ULBP2: variants seen among roughly 807,000 people sequenced by gnomAD.
ULBP2 encodes the protein UL16-binding protein 2.
A neutral mutation model predicts 23.6 loss-of-function variants in ULBP2; 21 were observed. The observed-to-expected ratio is 0.89, with a 90% CI of 0.63 to 1.28. The LOEUF is 1.28. Ranked by LOEUF, ULBP2 falls within the 50% of genes most tolerant of loss-of-function variation. The probability of loss-of-function intolerance (pLI) is 0.00; values close to 1 mark genes in which losing one functional copy is unlikely to be tolerated. For missense variants in ULBP2, 251 were observed against 306.0 expected (o/e 0.82, Z 1.34); for synonymous variants, 82 against 112.8 (o/e 0.73, Z 1.73).
At chr6:149,942,187 C>T (rs764480856) in intron 1 of ULBP2, 30 bp downstream of exon 1, 1 of 1,606,354 alleles carries the variant, frequency 6.2e-7, no homozygotes, top group Non-Finnish European at 8.5e-7. Context: ...CTAAGCCGGG[C>T]GGGGACCAAG....
Position 149,945,451 on chromosome 6 carries a change from C to G in ULBP2, c.228C>G (p.Pro76=), listed in dbSNP as rs773845292. The change falls in exon 2 of 5, where the codon CCC becomes CCG. Residue 76 remains proline, a synonymous_variant. Coordinates refer to ENST00000367351, the MANE Select transcript of ULBP2 (RefSeq NM_025217.4). ...CGNKTVTPVS[P]LGKKLNVTTA... The stretch of plus-strand genomic sequence containing the variant: ...ACAAGACAGTCACACCTGTCAGTCC[C>G]CTGGGGAAGAAACTAAATGTCACAA... The G allele has an allele frequency of 9.9e-6, 16 of 1,613,996 alleles. No homozygotes were observed. Among genetic ancestry groups the G allele is most frequent in the Non-Finnish European group, 1.4e-5 (16 of 1,179,884 alleles).
intron 4 of ULBP2, 28 bp from the exon 5 acceptor site, chr6:149,948,695 T>G: frequency 2.2e-6 from 1 of 456,732 alleles, no homozygotes; most frequent in South Asian, 1.5e-5. Context: ...CTCTGCCCCT[T>G]AAACCAACAT....
In ULBP2 at chr6:149,949,231, A is replaced by G. The variant is rs1778987324; in HGVS notation, c.*531A>G. 6.6e-6 allele frequency: 1 copy of G among 152,310 alleles called. No homozygotes were observed. Among genetic ancestry groups the G allele is most frequent in the Admixed American group, 6.5e-5 (1 of 15,282 alleles). The allele number at this position is 152,310 out of a possible 1,614,324, so 9.4% of individuals were successfully genotyped here. On this transcript the variant is annotated 3_prime_UTR_variant, in exon 5 of 5. Coordinates refer to ENST00000367351, the MANE Select transcript of ULBP2 (RefSeq NM_025217.4). The stretch of plus-strand genomic sequence containing the variant: ...ATTTAAATAAAGAGTTCTATTTCCC[A>G]AAAACCTACGGTGTTTAGAATTTTG...
chr6:149,947,795 A>G (rs1479974556), intron 4 of ULBP2, among the ~76,000 whole-genome samples: 1 of 151,550 alleles, frequency 6.6e-6, no homozygotes, highest in African/African-American at 2.4e-5. Context: ...GGCAGCAGGA[A>G]TTCAGACATG....
chr6:149,948,110 C>T (rs999789419), intron 4 of ULBP2, among the ~76,000 whole-genome samples: 1 of 152,206 alleles, frequency 6.6e-6, no homozygotes. Flanking sequence ...GGCAGCTCCC[C>T]TGCCATCATC....
At position 149,945,500 on chromosome 6, in the gene ULBP2, GT is replaced by G. The variant is rs1562487097; in HGVS notation, c.278del (p.Val93AspfsTer2). The G allele has an allele frequency of 2.5e-6, 4 of 1,614,052 alleles. No individual in the cohort carries two copies. In the Admixed American group the frequency reaches 5.0e-5, roughly 20 times the overall value. ...VTTAWKAQNP[V>X]LREVVDILTE... Reference sequence around the variant, plus strand: ...AACGGCCTGGAAAGCACAGAACCCAGTACTGAGAGAGGTGGTGGACATACTT... The same window carrying G: ...AACGGCCTGGAAAGCACAGAACCCAGACTGAGAGAGGTGGTGGACATACTT... On this transcript the variant is annotated frameshift_variant, in exon 2 of 5. Coordinates refer to ENST00000367351, the MANE Select transcript of ULBP2 (RefSeq NM_025217.4). LOFTEE classifies it high-confidence loss of function.
At position 149,942,189 on chromosome 6, in the gene ULBP2, G is replaced by T. The variant is rs750824231; in HGVS notation, c.85+32G>T. 2.5e-6 allele frequency: 4 copies of T among 1,606,500 alleles called. No homozygotes were observed. In the Admixed American group the frequency reaches 5.1e-5, roughly 20 times the overall value. On this transcript the variant is annotated intron_variant, in intron 1 of 4. Transcript: ENST00000367351. ...TCGTGGATGGAGCCTAAGCCGGGCG[G>T]GGACCAAGCCTGGAGGGCTGTGAAC...
chr6:149,943,818 A>C (rs957949260), intron 1 of ULBP2, among the ~76,000 whole-genome samples: 1 of 151,836 alleles, frequency 6.6e-6, no homozygotes, highest in Non-Finnish European at 1.5e-5. Flanking sequence ...ATTCACATGG[A>C]ATCTCTGTTG....
rs760013957 is a variant in ULBP2 at position 149,945,449 on chromosome 6, C to T, written c.226C>T (p.Pro76Ser). ...CAACAAGACAGTCACACCTGTCAGTCCCCTGGGGAAGAAACTAAATGTCAC... is the reference window on the plus strand; with the variant it reads ...CAACAAGACAGTCACACCTGTCAGTTCCCTGGGGAAGAAACTAAATGTCAC... ...CGNKTVTPVSPLGKKLNVTTA... is the reference protein window; with the variant it reads ...CGNKTVTPVSSLGKKLNVTTA... The change falls in exon 2 of 5, where the codon CCC (proline) becomes TCC (serine). Residue 76 changes from proline (P) to serine (S), a missense_variant. Physicochemically the swap from Pro to Ser is moderately conservative, Grantham distance 74 (BLOSUM62 -1). Around this residue, in one of 2 missense-constraint regions of ULBP2, gnomAD observed 248 missense variants for 258.9 expected, o/e 0.96. Coordinates refer to ENST00000367351, the MANE Select transcript of ULBP2 (RefSeq NM_025217.4). The T allele has an allele frequency of 1.1e-5, 17 of 1,613,796 alleles. No homozygotes were observed. The East Asian group carries it at 3.8e-4, about 36-fold the overall frequency.
At chr6:149,946,768 A>C in intron 3 of ULBP2, 115 bp downstream of exon 3, 6 of 1,532,916 alleles carry the variant, frequency 3.9e-6, no homozygotes, top group Non-Finnish European at 5.3e-6. Context: ...CGTTAAAATG[A>C]CCTCCTCGTG....
At chr6:149,945,109 TTCC>T (rs1275730541) in intron 1 of ULBP2, among the ~76,000 whole-genome samples, 197 bp from the exon 2 acceptor site, 345 of 149,564 alleles carry the variant, frequency 2.3e-3, no homozygotes, top group African/African-American at 8.3e-3. Flanking sequence ...AGACAGAGAC[TTCC>T]TCCTCCTCCT....
chr6:149,948,466 C>A (rs563078270), intron 4 of ULBP2, among the ~76,000 whole-genome samples: 1 of 152,206 alleles, frequency 6.6e-6, no homozygotes, highest in South Asian at 2.1e-4. Context: ...GGGCGCGGAC[C>A]CATCACTACC....
At chr6:149,943,211 G>C (rs1415571042) in intron 1 of ULBP2, among the ~76,000 whole-genome samples, 1 of 152,098 alleles carries the variant, frequency 6.6e-6, no homozygotes. Context: ...GCTGATCCCA[G>C]ATCAGGGGAT....
chr6:149,944,209 TG>T (rs1778903393), intron 1 of ULBP2, among the ~76,000 whole-genome samples: 1 of 152,130 alleles, frequency 6.6e-6, no homozygotes, highest in African/African-American at 2.4e-5. Context: ...TCGTTCTTGA[TG>T]GACTGGCTAC....
chr6:149,945,484 G>A lies in ULBP2; in HGVS notation c.261G>A (p.Trp87Ter). Reference sequence around the variant, plus strand: ...AGAAACTAAATGTCACAACGGCCTGGAAAGCACAGAACCCAGTACTGAGAG... The same window carrying A: ...AGAAACTAAATGTCACAACGGCCTGAAAAGCACAGAACCCAGTACTGAGAG... ...LGKKLNVTTA[W>*]KAQNPVLREV... Residue 87 changes from tryptophan (W) to a stop codon, truncating the protein, a stop_gained, in exon 2 of 5, where the codon TGG (tryptophan) becomes TGA (stop). Coordinates refer to ENST00000367351, the MANE Select transcript of ULBP2 (RefSeq NM_025217.4). LOFTEE classifies it high-confidence loss of function. 3 of 1,614,042 alleles carry A rather than the reference G, an allele frequency of 1.9e-6. No homozygotes were observed. Among genetic ancestry groups the A allele is most frequent in the Admixed American group, 3.3e-5 (2 of 60,026 alleles).
chr6:149,945,577 G>T lies in ULBP2; in HGVS notation c.349+5G>T. 1 of 1,614,028 alleles carries T rather than the reference G, an allele frequency of 6.2e-7. No homozygotes were observed. ...TGGAGAATTACACACCCAAGGGTAA[G>T]TTTCAGATGGCCCAGGACAGCAGGG... On this transcript the variant is annotated splice_donor_5th_base_variant and intron_variant, in intron 2 of 4. Transcript: ENST00000367351.
At chr6:149,948,302 G>A (rs114976923) in intron 4 of ULBP2, among the ~76,000 whole-genome samples, 39 of 152,332 alleles carry the variant, frequency 2.6e-4, no homozygotes, top group African/African-American at 9.1e-4. Context: ...CCAGTGTGAG[G>A]AGAGGCTCAA....
Position 149,948,703 on chromosome 6 carries a change from C to T in ULBP2, c.*23-20C>T, listed in dbSNP as rs1285894724. 2.2e-6 allele frequency: 1 copy of T among 456,586 alleles called. No individual in the cohort carries two copies. The highest frequency in any genetic ancestry group is 2.0e-5 in the African/African-American group (1 of 50,044). The allele number at this position is 456,586 out of a possible 1,614,324, so 28.3% of individuals were successfully genotyped here. The stretch of plus-strand genomic sequence containing the variant: ...CCGGGTTCTCTGCCCCTTAAACCAA[C>T]ATTTGTGTCCTTTCTGAAGGTTAAA... On this transcript the variant is annotated intron_variant, in intron 4 of 4. Transcript: ENST00000367351.
rs1473705307 is a variant in ULBP2 at position 149,947,176 on chromosome 6, C to T, written c.632-144C>T. The T allele has an allele frequency of 2.7e-5, 40 of 1,483,150 alleles. No individual in the cohort carries two copies. In the Admixed American group the frequency reaches 7.8e-4, roughly 29 times the overall value. The allele number at this position is 1,483,150 out of a possible 1,614,324, so 91.9% of individuals were successfully genotyped here. A position where few individuals can be genotyped will look rare whatever the true frequency, so the allele number is the denominator to read the frequency against. On this transcript the variant is annotated intron_variant, in intron 3 of 4. Coordinates refer to ENST00000367351, the MANE Select transcript of ULBP2 (RefSeq NM_025217.4). ...CCCCGTCTCCCTTCCTAAGCCAGGACCTGTCATACTGGCTGCCCCACACCA... is the reference window on the plus strand; with the variant it reads ...CCCCGTCTCCCTTCCTAAGCCAGGATCTGTCATACTGGCTGCCCCACACCA...
Sources: gnomAD v4.1 joint callset for allele counts (sites outside exome capture counted in the v4.1 genomes callset) on GRCh38, gnomAD v4.1.1 for gene constraint, gnomAD v4.1.1 regional missense constraint, MANE v1.5 for transcripts, NCBI Gene and HGNC (gene_info 2026-07-23, HGNC 2026-07-21) for gene names.